RRBP1: variants seen among roughly 807,000 people sequenced by gnomAD.
RRBP1 encodes the protein ribosome binding protein 1.
Under a neutral mutation model 165.2 loss-of-function variants are expected in RRBP1, and 94 were observed. The ratio of observed to expected loss-of-function variants is 0.57; its 90% CI spans 0.48 to 0.68. The LOEUF is 0.68. RRBP1 is among the 30% of genes least tolerant of loss of function. The pLI is 0.00. For synonymous variants in RRBP1, 680 were observed against 714.5 expected, an observed-to-expected ratio of 0.95 and a Z score of 0.77; for missense variants, 1,676 against 1,763.0, an observed-to-expected ratio of 0.95 and a Z score of 0.88.
At chr20:17,635,746 A>G in intron 6 of RRBP1, 82 bp from the exon 7 acceptor site, 1 of 1,034,608 alleles carries the variant, frequency 9.7e-7, no homozygotes, top group African/African-American at 1.6e-5. Flanking sequence ...TAGTGAAGAC[A>G]CAGCCCACAA....
At chr20:17,627,255 C>T (rs147554707) in intron 11 of RRBP1, 93 bp downstream of exon 11, 1 of 1,328,942 alleles carries the variant, frequency 7.5e-7, no homozygotes. Flanking sequence ...TGCAGAGGAC[C>T]TGAGCACCCT....
At chr20:17,632,165 T>C (rs1268061603) in intron 8 of RRBP1, among the ~76,000 whole-genome samples, 1 of 152,140 alleles carries the variant, frequency 6.6e-6, no homozygotes, top group Non-Finnish European at 1.5e-5. Context: ...GGCCTCACTG[T>C]CAATCACAGA....
At position 17,659,651 on chromosome 20, in the gene RRBP1, G is replaced by T; in HGVS notation, c.857C>A (p.Pro286Gln). The T allele has an allele frequency of 6.5e-7, 1 of 1,547,472 alleles. No individual in the cohort carries two copies. The highest frequency in any genetic ancestry group is 1.2e-5 in the South Asian group (1 of 83,916). ...PNQGKKVEGA[P>Q]TQGRKAEGAQ... ...CCCCTCGGCCTTTCTGCCCTGGGTT[G>T]GGGCCCCCTCCACCTTTTTCCCCTG... The change falls in exon 3 of 25, where the codon CCA becomes CAA. Residue 286 changes from proline (P) to glutamine (Q), a missense_variant. Pro to Gln is a moderately conservative substitution (Grantham distance 76). Coordinates refer to ENST00000377813, the MANE Select transcript of RRBP1 (RefSeq NM_001365613.2).
rs1217773183 is a variant in RRBP1 at position 17,615,474 on chromosome 20, C to A, written c.4007G>T (p.Gly1336Val). ...QEELEKLRTA[G>V]PLESSETEEA... ...CTCTGTTTCTGAAGACTCTAGGGGG[C>A]CGGCTGTGCGGAGCTTCTCCAATTC... is the stretch of plus-strand genomic sequence containing the variant. Residue 1336 changes from glycine (G) to valine (V), a missense_variant, in exon 23 of 25, where the codon GGC (glycine) becomes GTC (valine). By Grantham distance (109) the Gly-to-Val change is moderately radical. Around this residue, in one of 5 missense-constraint regions of RRBP1, gnomAD observed 1,184 missense variants for 1,167.1 expected, o/e 1.01. Coordinates refer to ENST00000377813, the MANE Select transcript of RRBP1 (RefSeq NM_001365613.2). The A allele has an allele frequency of 6.2e-7, 1 of 1,607,958 alleles. No individual in the cohort carries two copies. Among genetic ancestry groups the A allele is most frequent in the African/African-American group, 1.3e-5 (1 of 74,520 alleles).
At chr20:17,667,046 T>C (rs74452099) in intron 2 of RRBP1, among the ~76,000 whole-genome samples, 1 of 152,238 alleles carries the variant, frequency 6.6e-6, no homozygotes, top group East Asian at 1.9e-4. Flanking sequence ...TATGTGTATT[T>C]TAAAATGAGA....
chr20:17,658,666 CT>C lies in RRBP1; in HGVS notation c.1841del (p.Gln614ArgfsTer85). 6.2e-7 allele frequency: 1 copy of C among 1,614,202 alleles called. No homozygotes were observed. The highest frequency in any genetic ancestry group is 8.5e-7 in the Non-Finnish European group (1 of 1,180,038). On this transcript the variant is annotated frameshift_variant, in exon 3 of 25. Transcript: ENST00000377813. LOFTEE classifies it high-confidence loss of function. ...CCTCTTGCTTTGGTGCCTCTGGGCT[CT>C]GGGCCACATCTGTATTTCTGCCCTG... ...SVQGRNTDVA[Q>X]SPEAPKQEAP...
chr20:17,659,385 C>A lies in RRBP1; in HGVS notation c.1123G>T (p.Ala375Ser). 2.0e-6 allele frequency: 3 copies of A among 1,527,750 alleles called. No individual in the cohort carries two copies. The highest frequency in any genetic ancestry group is 2.6e-6 in the Non-Finnish European group (3 of 1,138,486). The allele number at this position is 1,527,750 out of a possible 1,614,324, so 94.6% of individuals were successfully genotyped here. Residue 375 changes from alanine to serine, a missense_variant, in exon 3 of 25, where the codon GCT becomes TCT. This residue lies in a region of RRBP1 where 78 missense variants were observed against 115.6 expected (regional missense o/e 0.67). Coordinates refer to ENST00000377813, the MANE Select transcript of RRBP1 (RefSeq NM_001365613.2). ...TCGGCCTTTTTGCCCTGGTTCTGAG[C>A]CCCCTCAGCCTTCTTGCCCTGATTC... ...AQNQGKKAEG[A>S]QNQGKKAEGA...
At position 17,659,685 on chromosome 20, in the gene RRBP1, T is replaced by G. The variant is rs1475453405; in HGVS notation, c.823A>C (p.Thr275Pro). Residue 275 changes from threonine to proline, a missense_variant, in exon 3 of 25, where the codon ACC becomes CCC. This residue lies in a region of RRBP1 where 392 missense variants were observed against 382.5 expected (regional missense o/e 1.02). Transcript: ENST00000377813. ...TCCACCTTTTTCCCCTGGTTTGGGG[T>G]TGTATCTACCTTTTTACCCTGGTTC... ...AQNQGKKVDT[T>P]PNQGKKVEGA... 2 of 1,544,108 alleles carry G rather than the reference T, an allele frequency of 1.3e-6. No individual in the cohort carries two copies. The highest frequency in any genetic ancestry group is 2.8e-5 in the African/African-American group (2 of 71,008).
chr20:17,681,072 T>G (rs1458877056), intron 1 of RRBP1, among the ~76,000 whole-genome samples: 2 of 151,484 alleles, frequency 1.3e-5, no homozygotes, highest in African/African-American at 4.8e-5. Flanking sequence ...CCTCCCCTAA[T>G]CAGGGCGCAG....
At chr20:17,629,260 C>A (rs1343978655) in intron 9 of RRBP1, among the ~76,000 whole-genome samples, 1 of 152,212 alleles carries the variant, frequency 6.6e-6, no homozygotes, top group African/African-American at 2.4e-5. Flanking sequence ...CCAAGGGCCA[C>A]GGGCCTCTCA....
rs113781524 is a variant in RRBP1 at position 17,618,785 on chromosome 20, C to T, written c.3676-106G>A. ...CATAAAACCTAACACATCCACTTAA[C>T]CAAAACCCTGAGGAGGGTCACAGCA... is the stretch of plus-strand genomic sequence containing the variant. On this transcript the variant is annotated intron_variant, in intron 19 of 24. Transcript: ENST00000377813. 9.0e-5 allele frequency: 75 copies of T among 837,016 alleles called. 5 individuals are homozygous for T. Among genetic ancestry groups the T allele is most frequent in the African/African-American group, 7.8e-4 (47 of 60,030 alleles). The allele number at this position is 837,016 out of a possible 1,614,324, so 51.8% of individuals were successfully genotyped here.
intron 5 of RRBP1, among the ~76,000 whole-genome samples, chr20:17,639,276 A>G (rs1168069930): frequency 6.6e-6 from 1 of 152,234 alleles, no homozygotes; most frequent in Non-Finnish European, 1.5e-5. Context: ...CTGGTCCTTG[A>G]ACCCAACTCT....
intron 3 of RRBP1, among the ~76,000 whole-genome samples, chr20:17,656,867 T>C (rs75087447): frequency 0.15 from 22,205 of 152,238 alleles, 1,747 homozygotes; most frequent in Middle Eastern, 0.24. Flanking sequence ...TGGGTTTTGT[T>C]TTCTTGGTTC....
intron 6 of RRBP1, 38 bp from the exon 7 acceptor site, chr20:17,635,702 G>T: frequency 6.7e-7 from 1 of 1,502,402 alleles, no homozygotes; most frequent in South Asian, 1.1e-5. Context: ...AGGCAGCTCG[G>T]CCTCACACAC....
chr20:17,647,661 G>A (rs2036487937), intron 3 of RRBP1, among the ~76,000 whole-genome samples: 1 of 152,132 alleles, frequency 6.6e-6, no homozygotes, highest in Non-Finnish European at 1.5e-5. Flanking sequence ...GAGAGGCCCA[G>A]GTGTCAACCC....
chr20:17,637,767 C>G (rs1191663205), intron 5 of RRBP1, among the ~76,000 whole-genome samples: 3 of 152,198 alleles, frequency 2.0e-5, no homozygotes, highest in African/African-American at 7.2e-5. Context: ...CTTGGCCTCA[C>G]TTTTCAAAGA....
chr20:17,640,544 C>G (rs2036334210), intron 5 of RRBP1, among the ~76,000 whole-genome samples: 1 of 152,172 alleles, frequency 6.6e-6, no homozygotes, highest in Non-Finnish European at 1.5e-5. Flanking sequence ...GGGAGCCCAA[C>G]AGGACCTCTT....
At chr20:17,621,649 G>A in intron 15 of RRBP1, 41 bp downstream of exon 15, 2 of 1,604,404 alleles carry the variant, frequency 1.2e-6, no homozygotes, top group South Asian at 1.1e-5. Context: ...CTGGGGACAG[G>A]GGAGCCCAAC....
chr20:17,633,664 C>G (rs748173656), intron 7 of RRBP1, 51 bp from the exon 8 acceptor site: 38 of 1,592,040 alleles, frequency 2.4e-5, no homozygotes, highest in Non-Finnish European at 3.1e-5. Context: ...GTGATGGGAT[C>G]GGTGGTCCAA....
Sources: gnomAD v4.1 joint callset for allele counts (sites outside exome capture counted in the v4.1 genomes callset) on GRCh38, gnomAD v4.1.1 for gene constraint, gnomAD v4.1.1 regional missense constraint, MANE v1.5 for transcripts, NCBI Gene and HGNC (gene_info 2026-07-23, HGNC 2026-07-21) for gene names.